PRDX2: variants seen among roughly 807,000 people sequenced by gnomAD.
PRDX2 encodes peroxiredoxin-2.
In PRDX2, 10 loss-of-function variants were observed where a neutral mutation model predicts 19.8. The observed-to-expected ratio is 0.50, with a 90% CI of 0.31 to 0.86. The LOEUF is 0.86. PRDX2 is among the 40% of genes least tolerant of loss of function. PRDX2 has a pLI of 0.04. For synonymous variants in PRDX2, 118 were observed against 108.2 expected, an observed-to-expected ratio of 1.09 and a Z score of -0.56; for missense variants, 226 against 260.1, an observed-to-expected ratio of 0.87 and a Z score of 0.90.
chr19:12,801,573 C>G (rs933627645), intron 1 of PRDX2, among the ~76,000 whole-genome samples, 167 bp downstream of exon 1: 1 of 152,220 alleles, frequency 6.6e-6, no homozygotes, highest in Non-Finnish European at 1.5e-5. Flanking sequence ...GGCGGGAAGT[C>G]GGGCGATCAG....
At chr19:12,798,652 C>CTTTTTT (rs1014273912) in intron 5 of PRDX2, among the ~76,000 whole-genome samples, 2 of 95,162 alleles carry the variant, frequency 2.1e-5, no homozygotes, top group African/African-American at 4.4e-5. Context: ...CATCTGGCCT[C>CTTTTTT]TTTTTTTTTT....
intron 1 of PRDX2, among the ~76,000 whole-genome samples, chr19:12,801,531 A>G (rs1456086631): frequency 6.6e-6 from 1 of 152,234 alleles, no homozygotes; most frequent in East Asian, 1.9e-4. Context: ...CCCCCAGCCC[A>G]GAAGGAGACA....
intron 5 of PRDX2, among the ~76,000 whole-genome samples, chr19:12,797,656 C>CTTTTTTTT (rs1555733212): frequency 5.8e-4 from 66 of 113,018 alleles, no homozygotes; most frequent in Non-Finnish European, 8.2e-4. Flanking sequence ...TTCTTTCTTT[C>CTTTTTTTT]TTTTTTTTTT....
chr19:12,797,893 C>A (rs1968820894), intron 5 of PRDX2, among the ~76,000 whole-genome samples: 1 of 151,740 alleles, frequency 6.6e-6, no homozygotes, highest in Non-Finnish European at 1.5e-5. Context: ...CTCCTGACTT[C>A]AGGTGATCCA....
At position 12,800,914 on chromosome 19, in the gene PRDX2, A is replaced by G; in HGVS notation, c.257+2T>C. 2 of 1,607,534 alleles carry G rather than the reference A, an allele frequency of 1.2e-6. No individual in the cohort carries two copies. The highest frequency in any genetic ancestry group is 3.4e-5 in the Admixed American group (2 of 59,138). ...ACCTCCCTCTTTGGCCCCTGCTCAT[A>G]CCAAGCCAGGTGGGTGAACTGAGAG... On this transcript the variant is annotated splice_donor_variant, in intron 3 of 5. Coordinates refer to ENST00000301522, the MANE Select transcript of PRDX2 (RefSeq NM_005809.6). LOFTEE classifies it high-confidence loss of function.
At chr19:12,799,304 C>T (rs1026484858) in intron 5 of PRDX2, among the ~76,000 whole-genome samples, 2 of 152,006 alleles carry the variant, frequency 1.3e-5, no homozygotes, top group Admixed American at 6.6e-5. Flanking sequence ...CTCAAGTGAT[C>T]CTCCAGCCTC....
intron 5 of PRDX2, among the ~76,000 whole-genome samples, chr19:12,797,552 C>G (rs892419076): frequency 1.8e-4 from 27 of 152,180 alleles, no homozygotes; most frequent in African/African-American, 6.5e-4. Flanking sequence ...CTCAAGTCAT[C>G]TGCCCGTCTT....
intron 5 of PRDX2, among the ~76,000 whole-genome samples, chr19:12,797,939 C>A (rs936399077): frequency 6.6e-6 from 1 of 151,830 alleles, no homozygotes; most frequent in Non-Finnish European, 1.5e-5. Flanking sequence ...GGATTACAGG[C>A]GTGAGCCACT....
chr19:12,800,650 GC>G, intron 3 of PRDX2: 1 of 1,402,912 alleles, frequency 7.1e-7, no homozygotes, highest in Non-Finnish European at 9.4e-7. Context: ...ATGAAATAGG[GC>G]AGCACAGCCT....
chr19:12,800,618 G>C (rs1188686536), intron 3 of PRDX2: 1 of 1,264,610 alleles, frequency 7.9e-7, no homozygotes, highest in Non-Finnish European at 1.1e-6. Context: ...CTTCACTTCG[G>C]TGAACTGGAG....
Position 12,797,013 on chromosome 19 carries a change from G to C in PRDX2, c.*68C>G. On this transcript the variant is annotated 3_prime_UTR_variant, in exon 6 of 6. Transcript: ENST00000301522. ...CTGGGTCAGCATAGGGCACCCAGGT[G>C]GGGGCACAGGTGGACACCCAGCACA... 6.5e-7 allele frequency: 1 copy of C among 1,534,742 alleles called. No homozygotes were observed. The highest frequency in any genetic ancestry group is 9.0e-7 in the Non-Finnish European group (1 of 1,114,356).
At chr19:12,800,699 G>A in intron 3 of PRDX2, 2 of 1,466,518 alleles carry the variant, frequency 1.4e-6, no homozygotes, top group South Asian at 1.4e-5. Flanking sequence ...AGATAGAGTT[G>A]CATCTGAGTT....
At chr19:12,800,867 TG>T (rs1485179016) in intron 3 of PRDX2, 48 bp downstream of exon 3, 10 of 1,567,354 alleles carry the variant, frequency 6.4e-6, no homozygotes, top group African/African-American at 2.7e-5. Flanking sequence ...TGCTAGGACC[TG>T]AGGGTGTGAG....
chr19:12,796,976 G>T lies in PRDX2; in HGVS notation c.*105C>A. 8.8e-7 allele frequency: 1 copy of T among 1,140,148 alleles called. No homozygotes were observed. 70.6% of individuals were successfully genotyped at this position (1,140,148 alleles called of 1,614,324 possible). A position where few individuals can be genotyped will look rare whatever the true frequency, so the allele number is the denominator to read the frequency against. ...CATACTGTGGAGTTTGGAGGGGCAG[G>T]TCTGGCCTTTCCTGGGTCAGCATAG... On this transcript the variant is annotated 3_prime_UTR_variant, in exon 6 of 6. Coordinates refer to ENST00000301522, the MANE Select transcript of PRDX2 (RefSeq NM_005809.6).
intron 5 of PRDX2, among the ~76,000 whole-genome samples, chr19:12,797,814 C>T (rs1968819616): frequency 6.6e-6 from 1 of 151,704 alleles, no homozygotes; most frequent in Non-Finnish European, 1.5e-5. Flanking sequence ...CCCGCCACCA[C>T]ACCCTGCTAA....
Position 12,796,969 on chromosome 19 carries a change from G to C in PRDX2, c.*112C>G. 1.9e-6 allele frequency: 2 copies of C among 1,029,386 alleles called. No individual in the cohort carries two copies. Among genetic ancestry groups the C allele is most frequent in the Non-Finnish European group, 2.9e-6 (2 of 686,644 alleles). The allele number at this position is 1,029,386 out of a possible 1,614,324, so 63.8% of individuals were successfully genotyped here. On this transcript the variant is annotated 3_prime_UTR_variant, in exon 6 of 6. Transcript: ENST00000301522. ...AGGGTCCCATACTGTGGAGTTTGGA[G>C]GGGCAGGTCTGGCCTTTCCTGGGTC...
chr19:12,801,032 G>T lies in PRDX2; in HGVS notation c.141C>A (p.Phe47Leu), dbSNP rs1434771250. 1 of 1,607,906 alleles carries T rather than the reference G, an allele frequency of 6.2e-7. No homozygotes were observed. The highest frequency in any genetic ancestry group is 8.5e-7 in the Non-Finnish European group (1 of 1,177,332). The change falls in exon 3 of 6, where the codon TTC becomes TTA. Residue 47 changes from phenylalanine (F) to leucine (L), a missense_variant. By Grantham distance (22) the Phe-to-Leu change is conservative. Coordinates refer to ENST00000301522, the MANE Select transcript of PRDX2 (RefSeq NM_005809.6). ...TGATCTCGGTGGGGCACACAAAAGT[G>T]AAGTCCAGAGGGTAGAAAAAGAGGA... ...YVVLFFYPLDFTFVCPTEIIA... is the reference protein window; with the variant it reads ...YVVLFFYPLDLTFVCPTEIIA...
At chr19:12,798,129 C>T (rs1219262248) in intron 5 of PRDX2, among the ~76,000 whole-genome samples, 1 of 151,508 alleles carries the variant, frequency 6.6e-6, no homozygotes, top group Non-Finnish European at 1.5e-5. Context: ...ACTGCAAGCT[C>T]CGCCTCCCAG....
Position 12,801,248 on chromosome 19 carries a change from T to C in PRDX2, c.14A>G (p.Asn5Ser), listed in dbSNP as rs145783459. The stretch of plus-strand genomic sequence containing the variant: ...AGGGGCTGGCTTTCCGATGCGCGCG[T>C]TACCGGAGGCCATGACTGAAAGCTG... Reference protein sequence around the residue: MASGNARIGKPAPDF... With the variant: MASGSARIGKPAPDF... The change falls in exon 2 of 6, where the codon AAC (asparagine) becomes AGC (serine). Residue 5 changes from asparagine to serine, a missense_variant. Coordinates refer to ENST00000301522, the MANE Select transcript of PRDX2 (RefSeq NM_005809.6). 9 of 1,613,176 alleles carry C rather than the reference T, an allele frequency of 5.6e-6. No individual in the cohort carries two copies. Among genetic ancestry groups the C allele is most frequent in the Middle Eastern group, 1.6e-4 (1 of 6,084 alleles).
Sources: allele counts gnomAD v4.1 joint callset (sites outside exome capture counted in the v4.1 genomes callset), GRCh38; gene constraint gnomAD v4.1.1; transcripts MANE v1.5; gene names NCBI Gene and HGNC (gene_info 2026-07-23, HGNC 2026-07-21).